CDH8: variants seen among roughly 807,000 people sequenced by gnomAD.
The protein encoded by CDH8 is cadherin-8.
A neutral mutation model predicts 68.1 loss-of-function variants in CDH8; 17 were observed. The ratio of observed to expected loss-of-function variants is 0.25; its 90% CI spans 0.17 to 0.37. The LOEUF is 0.37. CDH8 is among the 10% of genes least tolerant of loss of function. The pLI is 1.00. For synonymous variants in CDH8, 372 were observed against 365.1 expected (o/e 1.02, Z -0.21); for missense variants, 763 against 999.3 (o/e 0.76, Z 3.19).
intron 10 of CDH8, among the ~76,000 whole-genome samples, chr16:61,672,229 G>C (rs1963812187): frequency 1.3e-5 from 2 of 151,916 alleles, no homozygotes; most frequent in African/African-American, 4.8e-5. Context: ...GAAGAGTTAT[G>C]CTTAACAAAT....
chr16:61,908,249 G>A (rs1220835633), intron 2 of CDH8, among the ~76,000 whole-genome samples: 2 of 152,128 alleles, frequency 1.3e-5, no homozygotes, highest in East Asian at 1.9e-4. Context: ...CTATCAAGCT[G>A]TCAGTGAATT....
intron 8 of CDH8, among the ~76,000 whole-genome samples, chr16:61,764,660 A>G (rs918673703): frequency 6.6e-6 from 1 of 152,100 alleles, no homozygotes; most frequent in Non-Finnish European, 1.5e-5. Context: ...GGCATGATGT[A>G]GACAAAGAAA....
At chr16:61,993,909 A>G (rs1244293109) in intron 2 of CDH8, among the ~76,000 whole-genome samples, 1 of 152,220 alleles carries the variant, frequency 6.6e-6, no homozygotes, top group Non-Finnish European at 1.5e-5. Flanking sequence ...GCTGCATAGT[A>G]TTTTAAATAA....
At chr16:61,992,253 A>G (rs894533493) in intron 2 of CDH8, among the ~76,000 whole-genome samples, 4 of 151,834 alleles carry the variant, frequency 2.6e-5, no homozygotes, top group African/African-American at 7.3e-5. Flanking sequence ...GTGGAATACT[A>G]TGCAGCCATA....
intron 3 of CDH8, among the ~76,000 whole-genome samples, chr16:61,880,349 T>A (rs1272693755): frequency 6.6e-6 from 1 of 152,148 alleles, no homozygotes; most frequent in African/African-American, 2.4e-5. Context: ...GCCTTCACAC[T>A]CGAAAGACAG....
intron 10 of CDH8, among the ~76,000 whole-genome samples, chr16:61,683,621 T>G (rs1964051898): frequency 6.6e-6 from 1 of 152,022 alleles, no homozygotes; most frequent in Non-Finnish European, 1.5e-5. Context: ...TGGGTATCAT[T>G]AAGTCTTTTT....
chr16:61,851,933 G>A (rs772475939), intron 4 of CDH8, among the ~76,000 whole-genome samples: 2 of 151,954 alleles, frequency 1.3e-5, no homozygotes, highest in Non-Finnish European at 2.9e-5. Flanking sequence ...CAAAAATTGA[G>A]GTATGGGATC....
At chr16:62,007,877 G>A (rs1345206561) in intron 2 of CDH8, among the ~76,000 whole-genome samples, 1 of 151,960 alleles carries the variant, frequency 6.6e-6, no homozygotes, top group African/African-American at 2.4e-5. Flanking sequence ...CTTGAATGCT[G>A]TGATCCTGTG....
intron 1 of CDH8, among the ~76,000 whole-genome samples, chr16:62,030,376 T>TA (rs1463396631): frequency 7.0e-6 from 1 of 143,008 alleles, no homozygotes; most frequent in Non-Finnish European, 1.5e-5. Context: ...TTGTTTTTTG[T>TA]TTTTTTTTCA....
At position 61,654,120 on chromosome 16, in the gene CDH8, A is replaced by AT. The variant is rs775156377; in HGVS notation, c.1907-20dup. ...ACGATGACTAGAGGAAAAATATTAAATAACAGTCAGCCAAACAAGCATATA... is the reference window on the plus strand; with the variant it reads ...ACGATGACTAGAGGAAAAATATTAAATTAACAGTCAGCCAAACAAGCATATA... On this transcript the variant is annotated intron_variant, in intron 11 of 11. Transcript: ENST00000577390. 3.1e-6 allele frequency: 5 copies of AT among 1,598,796 alleles called. No individual in the cohort carries two copies. The East Asian group carries it at 1.1e-4, about 36-fold the overall frequency.
At chr16:61,723,993 T>G (rs538265063) in intron 9 of CDH8, among the ~76,000 whole-genome samples, 1 of 149,922 alleles carries the variant, frequency 6.7e-6, no homozygotes, top group Non-Finnish European at 1.5e-5. Flanking sequence ...GATTTTTTTT[T>G]AAAATATAGA....
intron 3 of CDH8, among the ~76,000 whole-genome samples, chr16:61,895,781 T>C (rs551484724): frequency 6.6e-6 from 1 of 152,338 alleles, no homozygotes; most frequent in South Asian, 2.1e-4. Flanking sequence ...TATTGAATCA[T>C]ACTGGTAGAA....
intron 5 of CDH8, among the ~76,000 whole-genome samples, chr16:61,822,206 T>C (rs12932050): frequency 1.9e-3 from 41 of 22,134 alleles, no homozygotes; most frequent in African/African-American, 7.3e-3. Context: ...AAAACGCACC[T>C]TTTTTTTTTT....
intron 2 of CDH8, among the ~76,000 whole-genome samples, chr16:61,983,866 T>A (rs950864631): frequency 2.0e-5 from 3 of 151,608 alleles, no homozygotes; most frequent in Non-Finnish European, 4.4e-5. Flanking sequence ...GAGAGAAAGC[T>A]CTGGTGTTTC....
intron 8 of CDH8, among the ~76,000 whole-genome samples, chr16:61,735,276 C>T (rs1959646180): frequency 6.6e-6 from 1 of 152,020 alleles, no homozygotes; most frequent in Non-Finnish European, 1.5e-5. Context: ...ACTATTCAGT[C>T]CACTAAATTA....
At chr16:61,722,520 G>C (rs985688043) in intron 9 of CDH8, among the ~76,000 whole-genome samples, 1 of 150,748 alleles carries the variant, frequency 6.6e-6, no homozygotes, top group Non-Finnish European at 1.5e-5. Context: ...ACAACAATTA[G>C]CATCTTGTAG....
chr16:61,878,989 G>C (rs1239604206), intron 3 of CDH8, among the ~76,000 whole-genome samples: 1 of 152,034 alleles, frequency 6.6e-6, no homozygotes, highest in Non-Finnish European at 1.5e-5. Flanking sequence ...TTGAAGATTT[G>C]ATCCCTTCTA....
intron 2 of CDH8, chr16:61,938,005 T>G (rs1261417913): frequency 6.6e-6 from 1 of 152,212 alleles, no homozygotes; most frequent in Non-Finnish European, 1.5e-5. Context: ...TTATTAAATG[T>G]AATGGAATTA....
intron 4 of CDH8, among the ~76,000 whole-genome samples, chr16:61,849,460 T>G (rs1002991613): frequency 2.0e-5 from 3 of 152,144 alleles, no homozygotes; most frequent in Non-Finnish European, 4.4e-5. Context: ...TCCTGTGCTA[T>G]GCCAAGAGGC....
Sources: allele counts gnomAD v4.1 joint callset (sites outside exome capture counted in the v4.1 genomes callset), GRCh38; gene constraint gnomAD v4.1.1; transcripts MANE v1.5; gene names NCBI Gene and HGNC (gene_info 2026-07-23, HGNC 2026-07-21).